The following UBE2H variants were observed in gnomAD, a reference collection of about 807,000 sequenced individuals.
UBE2H encodes the protein ubiquitin conjugating enzyme E2 H.
In UBE2H, 3 loss-of-function variants were observed where a neutral mutation model predicts 29.0. The observed-to-expected ratio is 0.10, with a 90% CI of 0.05 to 0.27. UBE2H has a LOEUF of 0.27. Ranked by LOEUF, UBE2H falls within the 10% of genes least tolerant of loss-of-function variation. UBE2H has a pLI of 1.00. For synonymous variants in UBE2H, 69 were observed against 82.9 expected (o/e 0.83, Z 0.91); for missense variants, 68 against 228.2 (o/e 0.30, Z 4.52).
chr7:129,918,657 A>G (rs1807092827), intron 1 of UBE2H, among the ~76,000 whole-genome samples: 1 of 152,236 alleles, frequency 6.6e-6, no homozygotes, highest in Admixed American at 6.5e-5. Flanking sequence ...GACAATAAAA[A>G]ACACCTGTGA....
chr7:129,855,189 A>AT (rs1007824597), intron 5 of UBE2H, among the ~76,000 whole-genome samples: 6 of 152,290 alleles, frequency 3.9e-5, no homozygotes, highest in African/African-American at 9.6e-5. Context: ...TGAAACTGTT[A>AT]TTTTTTTAAA....
chr7:129,926,010 A>G (rs1010983322), intron 1 of UBE2H, among the ~76,000 whole-genome samples: 3 of 151,872 alleles, frequency 2.0e-5, no homozygotes, highest in Non-Finnish European at 4.4e-5. Context: ...CATTTCATAT[A>G]AAATAACCTC....
intron 1 of UBE2H, among the ~76,000 whole-genome samples, chr7:129,928,149 G>T (rs554945152): frequency 2.6e-5 from 4 of 151,588 alleles, no homozygotes; most frequent in African/African-American, 7.3e-5. Context: ...TGGCCAACAC[G>T]GTGAAACCCT....
intron 2 of UBE2H, among the ~76,000 whole-genome samples, chr7:129,880,073 G>C (rs1198485010): frequency 6.6e-6 from 1 of 152,028 alleles, no homozygotes; most frequent in Non-Finnish European, 1.5e-5. Context: ...GTCACATAGA[G>C]ATAAAGAGAA....
chr7:129,856,431 C>G (rs1285482178), intron 5 of UBE2H, among the ~76,000 whole-genome samples: 2 of 151,892 alleles, frequency 1.3e-5, no homozygotes, highest in African/African-American at 4.8e-5. Context: ...GACACACACC[C>G]GATAGCCCTT....
intron 3 of UBE2H, among the ~76,000 whole-genome samples, chr7:129,859,612 C>A (rs1012816846): frequency 1.3e-5 from 2 of 152,164 alleles, no homozygotes; most frequent in Admixed American, 6.5e-5. Context: ...TTTTTCCTAG[C>A]AAACCAAGTA....
chr7:129,838,905 G>C (rs879932708), intron 6 of UBE2H, among the ~76,000 whole-genome samples: 8 of 152,154 alleles, frequency 5.3e-5, no homozygotes, highest in Non-Finnish European at 7.4e-5. Context: ...CCAAAGTGCT[G>C]GGATTACAGG....
chr7:129,872,287 C>A (rs1806054858), intron 3 of UBE2H, among the ~76,000 whole-genome samples: 1 of 152,094 alleles, frequency 6.6e-6, no homozygotes, highest in Non-Finnish European at 1.5e-5. Context: ...AAATACTGCT[C>A]AATGAAGTTA....
chr7:129,950,592 A>G (rs1019228665), intron 1 of UBE2H, among the ~76,000 whole-genome samples: 4 of 152,212 alleles, frequency 2.6e-5, no homozygotes, highest in African/African-American at 9.6e-5. Context: ...GTCTATGTAC[A>G]TAATTTGAGA....
At chr7:129,943,923 T>C (rs1464025757) in intron 1 of UBE2H, among the ~76,000 whole-genome samples, 1 of 151,986 alleles carries the variant, frequency 6.6e-6, no homozygotes, top group African/African-American at 2.4e-5. Flanking sequence ...ATTATTCAAG[T>C]GAAAGGTATC....
At chr7:129,845,796 C>T (rs190670019) in intron 5 of UBE2H, among the ~76,000 whole-genome samples, 131 of 152,334 alleles carry the variant, frequency 8.6e-4, no homozygotes, top group African/African-American at 3.0e-3. Flanking sequence ...GCTCTTTGAC[C>T]TTGGGCAGGT....
chr7:129,898,754 A>C (rs916656578), intron 1 of UBE2H, among the ~76,000 whole-genome samples: 1 of 152,042 alleles, frequency 6.6e-6, no homozygotes, highest in Non-Finnish European at 1.5e-5. Context: ...CCTGAAAGAC[A>C]CAAGAGCACC....
intron 3 of UBE2H, among the ~76,000 whole-genome samples, chr7:129,867,876 T>C (rs75495178): frequency 0.011 from 1,742 of 151,828 alleles, 37 homozygotes; most frequent in African/African-American, 0.04. Context: ...CTGCAACTAG[T>C]GCGTAGTCAT....
intron 1 of UBE2H, among the ~76,000 whole-genome samples, chr7:129,911,580 C>T (rs774538724): frequency 6.6e-6 from 1 of 152,002 alleles, no homozygotes; most frequent in Admixed American, 6.6e-5. Flanking sequence ...AAGGCAGGCA[C>T]CTACACTAAC....
At chr7:129,885,628 A>T (rs1448554603) in intron 1 of UBE2H, among the ~76,000 whole-genome samples, 1 of 152,318 alleles carries the variant, frequency 6.6e-6, no homozygotes, top group Admixed American at 6.5e-5. Context: ...CTTTAATTAT[A>T]TATCACATCA....
At chr7:129,856,075 G>A (rs760531722) in intron 5 of UBE2H, among the ~76,000 whole-genome samples, 14 of 152,144 alleles carry the variant, frequency 9.2e-5, no homozygotes. Context: ...ATCCCAGGTA[G>A]AGAAAATAAT....
At chr7:129,835,203 C>A in intron 6 of UBE2H, 142 bp from the exon 7 acceptor site, 1 of 1,245,018 alleles carries the variant, frequency 8.0e-7, no homozygotes, top group Non-Finnish European at 1.1e-6. Context: ...ATCATGATCA[C>A]TACAGCTAAG....
intron 1 of UBE2H, among the ~76,000 whole-genome samples, chr7:129,906,223 T>C (rs929766389): frequency 1.3e-4 from 20 of 151,830 alleles, no homozygotes; most frequent in Non-Finnish European, 1.3e-4. Context: ...TTTTTTTTTT[T>C]TTGAGACAGT....
intron 1 of UBE2H, among the ~76,000 whole-genome samples, chr7:129,897,072 G>T (rs1420816403): frequency 6.6e-6 from 1 of 152,064 alleles, no homozygotes; most frequent in Non-Finnish European, 1.5e-5. Flanking sequence ...ATTACATTCA[G>T]CGCACCCCAA....
Sources: allele counts gnomAD v4.1 joint callset (sites outside exome capture counted in the v4.1 genomes callset), GRCh38; gene constraint gnomAD v4.1.1; transcripts MANE v1.5; gene names NCBI Gene and HGNC (gene_info 2026-07-23, HGNC 2026-07-21).